GRIN2D: variants seen among roughly 807,000 people sequenced by gnomAD.
GRIN2D encodes glutamate receptor ionotropic, NMDA 2D.
A neutral mutation model predicts 103.2 loss-of-function variants in GRIN2D; 37 were observed. The ratio of observed to expected loss-of-function variants is 0.36; its 90% CI spans 0.28 to 0.47. The LOEUF is 0.47. Ranked by LOEUF, GRIN2D falls within the 20% of genes least tolerant of loss-of-function variation. GRIN2D has a pLI of 1.00. For synonymous variants in GRIN2D, 845 were observed against 885.6 expected, an observed-to-expected ratio of 0.95 and a Z score of 0.81; for missense variants, 1,557 against 1,910.6, an observed-to-expected ratio of 0.81 and a Z score of 3.45.
chr19:48,408,582 G>T (rs1169036091), intron 4 of GRIN2D, among the ~76,000 whole-genome samples: 3 of 152,046 alleles, frequency 2.0e-5, no homozygotes, highest in African/African-American at 4.8e-5. Flanking sequence ...GCTTTGGGAG[G>T]CTGAGGTGGG....
chr19:48,402,385 G>C (rs1268084212), intron 3 of GRIN2D, among the ~76,000 whole-genome samples: 1 of 151,790 alleles, frequency 6.6e-6, no homozygotes, highest in African/African-American at 2.4e-5. Context: ...GAATGAGAGA[G>C]AGAGGAAAAA....
chr19:48,432,982 G>A (rs1425168430), intron 11 of GRIN2D, among the ~76,000 whole-genome samples: 8 of 148,976 alleles, frequency 5.4e-5, no homozygotes, highest in African/African-American at 2.0e-4. Flanking sequence ...GTAGAGGTGG[G>A]GTTTCACCAT....
rs1416189014 is a variant in GRIN2D, at chr19:48,443,718, G to C, written c.3792G>C (p.Pro1264=). 17 of 1,319,920 alleles carry C rather than the reference G, an allele frequency of 1.3e-5. No homozygotes were observed. The highest frequency in any genetic ancestry group is 1.5e-5 in the Non-Finnish European group (16 of 1,037,156). 81.8% of individuals were successfully genotyped at this position (1,319,920 alleles called of 1,614,324 possible). ...CCGCTGGGGGCTGGGACCTCCCGCC[G>C]CCCGCGCCCACCTCGCGCTCGCTCG... ...RRAAGGWDLP[P]PAPTSRSLED... The change falls in exon 14 of 14, where the codon CCG becomes CCC. Residue 1264 remains proline, a synonymous_variant. Coordinates refer to ENST00000263269, the MANE Select transcript of GRIN2D (RefSeq NM_000836.4). This position sits in a 1 kb window ranked among gnomAD's most constrained non-coding sequence, Gnocchi z 8.9.
At chr19:48,426,226 T>TTTTTTTTTTTTTCTTTC (rs1569068414) in intron 11 of GRIN2D, among the ~76,000 whole-genome samples, 19 of 142,132 alleles carry the variant, frequency 1.3e-4, no homozygotes, top group Non-Finnish European at 2.4e-4. Context: ...CTTTCTTTCT[T>TTTTTTTTTTTTTCTTTC]TTTTTTTTTT....
intron 11 of GRIN2D, 48 bp from the exon 12 acceptor site, chr19:48,441,721 G>A (rs763795258): frequency 6.6e-7 from 1 of 1,504,680 alleles, no homozygotes; most frequent in South Asian, 1.2e-5. Flanking sequence ...CTGGCGGCCA[G>A]GGCATCTAGG....
intron 11 of GRIN2D, 101 bp downstream of exon 11, chr19:48,422,046 G>C (rs2147457989): frequency 4.1e-6 from 5 of 1,233,058 alleles, no homozygotes; most frequent in East Asian, 2.4e-5. Flanking sequence ...AGTCCCAGAG[G>C]TCAGCCCTGG....
At position 48,442,388 on chromosome 19, in the gene GRIN2D, GGGCAGAGAGGGA is replaced by G. The variant is rs1402380141; in HGVS notation, c.2673+18_2673+29del. ...TCCTGCTGGCCTTCTCCAGGGTATG[GGGCAGAGAGGGA>G]GGCAGAGAGGGGGAGATGGCAGGGG... is the stretch of plus-strand genomic sequence containing the variant. On this transcript the variant is annotated splice_region_variant and intron_variant, in intron 13 of 13. Transcript: ENST00000263269. This position sits in a 1 kb window ranked among gnomAD's most constrained non-coding sequence, Gnocchi z 7.2. 1.9e-6 allele frequency: 3 copies of G among 1,604,188 alleles called. No homozygotes were observed. Among genetic ancestry groups the G allele is most frequent in the South Asian group, 1.1e-5 (1 of 90,984 alleles).
rs775962298 is a variant in GRIN2D, at chr19:48,441,824, G to A, written c.2308G>A (p.Asp770Asn). 107 of 1,613,896 alleles carry A rather than the reference G, an allele frequency of 6.6e-5. No individual in the cohort carries two copies. Among genetic ancestry groups the A allele is most frequent in the Non-Finnish European group, 8.8e-5 (104 of 1,180,036 alleles). Residue 770 changes from aspartate (D) to asparagine (N), a missense_variant, in exon 12 of 14, where the codon GAC becomes AAC. Around this residue, in one of 7 missense-constraint regions of GRIN2D, gnomAD observed 138 missense variants for 270.2 expected, o/e 0.51. Coordinates refer to ENST00000263269, the MANE Select transcript of GRIN2D (RefSeq NM_000836.4). ...AAVLNYMARK[D>N]EGCKLVTIGS... ...AGTGCTCAATTACATGGCCCGCAAGGACGAGGGCTGCAAGCTTGTCACCAT... is the reference window on the plus strand; with the variant it reads ...AGTGCTCAATTACATGGCCCGCAAGAACGAGGGCTGCAAGCTTGTCACCAT...
chr19:48,401,142 C>T (rs1275023859), intron 3 of GRIN2D, among the ~76,000 whole-genome samples: 1 of 151,802 alleles, frequency 6.6e-6, no homozygotes, highest in East Asian at 1.9e-4. Context: ...CTGCAGTATC[C>T]CCTGTGCGCC....
rs997918152 is a variant in GRIN2D, at chr19:48,441,759, C to T, written c.2253-10C>T. On this transcript the variant is annotated splice_polypyrimidine_tract_variant and intron_variant, in intron 11 of 13. Transcript: ENST00000263269. ...GGACTGACCCTACCCTCCATTCCCC[C>T]TCCCCCCAGGAAGCTGGACGCCTTC... 3 of 1,604,396 alleles carry T rather than the reference C, an allele frequency of 1.9e-6. No individual in the cohort carries two copies. The African/African-American group carries it at 4.0e-5, about 21-fold the overall frequency.
At chr19:48,431,264 T>C (rs1174878300) in intron 11 of GRIN2D, among the ~76,000 whole-genome samples, 1 of 152,230 alleles carries the variant, frequency 6.6e-6, no homozygotes, top group Non-Finnish European at 1.5e-5. Context: ...TCTAACTCTT[T>C]CTGGGTTTTG....
intron 8 of GRIN2D, among the ~76,000 whole-genome samples, chr19:48,416,744 TC>T (rs1388484035): frequency 1.5e-4 from 18 of 121,848 alleles, no homozygotes; most frequent in African/African-American, 2.9e-4. Context: ...TCTCTCTCTC[TC>T]TTTTTTTTTT....
Position 48,394,009 on chromosome 19 carries a change from C to T in GRIN2D, c.-306+141C>T, listed in dbSNP as rs146751271. Among the ~76,000 whole-genome samples, 39 of 152,180 alleles carry T rather than the reference C, an allele frequency of 2.6e-4. 1 individual carries two copies. In the East Asian group the frequency reaches 7.2e-3, roughly 28 times the overall value. ...GCCTGCCTGGGTGTCGTGGGGCTCC[C>T]GCTCCTTCCCCCCGGCCCCCCCAAA... On this transcript the variant is annotated intron_variant, in intron 1 of 13. Transcript: ENST00000263269. The surrounding 1 kb of genome is among the most constrained non-coding windows in gnomAD (Gnocchi z 5.1).
intron 3 of GRIN2D, 25 bp from the exon 4 acceptor site, chr19:48,404,709 T>C: frequency 6.4e-7 from 1 of 1,565,498 alleles, no homozygotes; most frequent in Non-Finnish European, 8.7e-7. Context: ...TCGGCAGGCC[T>C]GACATCCTCC....
intron 11 of GRIN2D, among the ~76,000 whole-genome samples, chr19:48,426,370 C>T (rs1439750109): frequency 1.3e-5 from 2 of 150,986 alleles, no homozygotes; most frequent in Admixed American, 6.6e-5. Flanking sequence ...GAATTACAGG[C>T]GCCTGCCACC....
At chr19:48,416,253 A>G (rs1970948061) in intron 8 of GRIN2D, 98 bp downstream of exon 8, 1 of 1,081,464 alleles carries the variant, frequency 9.2e-7, no homozygotes, top group African/African-American at 1.6e-5. Context: ...TCCCGGTATC[A>G]TCGGTACTTG....
intron 11 of GRIN2D, among the ~76,000 whole-genome samples, chr19:48,436,959 G>A (rs1021657049): frequency 6.6e-6 from 1 of 152,102 alleles, no homozygotes; most frequent in Non-Finnish European, 1.5e-5. Flanking sequence ...GAGCCAAGAG[G>A]GGGTGGTGAG....
intron 3 of GRIN2D, among the ~76,000 whole-genome samples, chr19:48,402,794 G>GAGAGAGAGAGAGAA (rs1970734565): frequency 2.8e-5 from 4 of 144,950 alleles, no homozygotes; most frequent in African/African-American, 1.1e-4. Flanking sequence ...GAGAGAGAGA[G>GAGAGAGAGAGAGAA]AGAGAGAGAG....
chr19:48,444,176 CT>C lies in GRIN2D; in HGVS notation c.*247del. On this transcript the variant is annotated 3_prime_UTR_variant, in exon 14 of 14. Transcript: ENST00000263269. This position sits in a 1 kb window ranked among gnomAD's most constrained non-coding sequence, Gnocchi z 5.5. ...GGCGGGGGCCTTGGAGCCCACCGGA[CT>C]TTTTTTTAAACCCGACAAGGGCTTT... is the stretch of plus-strand genomic sequence containing the variant. 24 of 380,758 alleles carry C rather than the reference CT, an allele frequency of 6.3e-5. No homozygotes were observed. The highest frequency in any genetic ancestry group is 3.8e-4 in the South Asian group (4 of 10,626). 23.6% of individuals were successfully genotyped at this position (380,758 alleles called of 1,614,324 possible). A position where few individuals can be genotyped will look rare whatever the true frequency, so the allele number is the denominator to read the frequency against.
Sources: allele counts gnomAD v4.1 joint callset (sites outside exome capture counted in the v4.1 genomes callset), GRCh38; gene constraint gnomAD v4.1.1; regional missense constraint gnomAD v4.1.1; non-coding constraint Gnocchi (gnomAD v3.1); transcripts MANE v1.5; gene names NCBI Gene and HGNC (gene_info 2026-07-23, HGNC 2026-07-21).